Variants in ANK3 observed in about 807,000 individuals in gnomAD.
The protein encoded by ANK3 is ankyrin 3.
A neutral mutation model predicts 370.9 loss-of-function variants in ANK3; 57 were observed. The observed-to-expected ratio is 0.15, with a 90% confidence interval of 0.12 to 0.19. The LOEUF (loss-of-function observed/expected upper bound fraction) is 0.19. Ranked by LOEUF, ANK3 falls within the 10% of genes least tolerant of loss-of-function variation. ANK3 has a pLI of 1.00. For missense variants in ANK3, 4,439 were observed against 5,302.1 expected, an observed-to-expected ratio of 0.84 and a Z score of 5.06; for synonymous variants, 1,929 against 1,946.3, an observed-to-expected ratio of 0.99 and a Z score of 0.23.
rs759973241 is a variant in ANK3, at chr10:60,389,445, AC to A, written c.93del (p.Ser32ProfsTer15). The A allele has an allele frequency of 3.1e-6, 5 of 1,613,666 alleles. No homozygotes were observed. Among genetic ancestry groups the A allele is most frequent in the East Asian group, 2.2e-5 (1 of 44,884 alleles). Reference protein sequence around the residue: ...EPEKKRKHRKRSRDRKKKSDA... With the variant: ...EPEKKRKHRKXSRDRKKKSDA... The stretch of plus-strand genomic sequence containing the variant: ...GATACCTTTTTCTTCCGATCCCGGG[AC>A]CGTTTGCGGTGTTTCCTTTTTTTCT... On this transcript the variant is annotated frameshift_variant, in exon 1 of 44. Coordinates refer to ENST00000280772, the MANE Select transcript of ANK3 (RefSeq NM_020987.5). LOFTEE classifies it high-confidence loss of function.
intron 12 of ANK3, among the ~76,000 whole-genome samples, chr10:60,201,998 A>G (rs1287758847): frequency 6.6e-6 from 1 of 152,050 alleles, no homozygotes; most frequent in Non-Finnish European, 1.5e-5. Flanking sequence ...TACAGGCGTG[A>G]GCCACCATGC....
At chr10:60,664,348 T>C (rs1348012266) in intron 1 of ANK3, among the ~76,000 whole-genome samples, 1 of 152,186 alleles carries the variant, frequency 6.6e-6, no homozygotes, top group East Asian at 1.9e-4. Flanking sequence ...AGACAAAAAT[T>C]GAGAAGCAAT....
intron 2 of ANK3, among the ~76,000 whole-genome samples, chr10:60,501,038 G>A (rs1407233597): frequency 6.6e-6 from 1 of 152,044 alleles, no homozygotes; most frequent in Non-Finnish European, 1.5e-5. Flanking sequence ...TCATCAAATT[G>A]AAACATTAAA....
At chr10:60,442,731 C>G (rs72806194) in intron 2 of ANK3, among the ~76,000 whole-genome samples, 1 of 152,138 alleles carries the variant, frequency 6.6e-6, no homozygotes, top group South Asian at 2.1e-4. Flanking sequence ...ATCATTACTG[C>G]GTAACTTCTT....
chr10:60,172,626 T>C (rs1381238009), intron 20 of ANK3, among the ~76,000 whole-genome samples: 1 of 152,194 alleles, frequency 6.6e-6, no homozygotes, highest in Non-Finnish European at 1.5e-5. Context: ...ACGTTCTAAG[T>C]AAGCAATCAA....
At chr10:60,059,243 G>T in intron 41 of ANK3, 97 bp downstream of exon 41, 1 of 1,022,334 alleles carries the variant, frequency 9.8e-7, no homozygotes. Context: ...GAACTAGAAT[G>T]GTAATTTAGA....
intron 18 of ANK3, 97 bp downstream of exon 18, chr10:60,181,232 T>C: frequency 1.9e-6 from 2 of 1,066,974 alleles, no homozygotes; most frequent in Non-Finnish European, 2.9e-6. Flanking sequence ...AAGAGATGAT[T>C]AAAGGGTTTG....
Position 60,278,891 on chromosome 10 carries a change from G to T in ANK3, c.316-19C>A. The T allele has an allele frequency of 6.2e-7, 1 of 1,608,982 alleles. No homozygotes were observed. The highest frequency in any genetic ancestry group is 1.1e-5 in the South Asian group (1 of 90,982). On this transcript the variant is annotated intron_variant, in intron 3 of 43. Coordinates refer to ENST00000280772, the MANE Select transcript of ANK3 (RefSeq NM_020987.5). ...TTCCTTTCTGTGAAATGAAAGTCAA[G>T]ATATATCAACTCATCGATCTTTTGA...
At chr10:60,458,258 T>C (rs2064798614) in intron 2 of ANK3, among the ~76,000 whole-genome samples, 2 of 152,114 alleles carry the variant, frequency 1.3e-5, no homozygotes, top group Non-Finnish European at 1.5e-5. Context: ...AACTAGCTTC[T>C]CCCACAGTAA....
intron 7 of ANK3, among the ~76,000 whole-genome samples, chr10:60,235,382 G>T (rs2097312540): frequency 6.6e-6 from 1 of 152,134 alleles, no homozygotes; most frequent in South Asian, 2.1e-4. Flanking sequence ...AATATTTGAA[G>T]AATAACCAGA....
chr10:60,492,915 A>C (rs1177573851), intron 2 of ANK3, among the ~76,000 whole-genome samples: 1 of 140,170 alleles, frequency 7.1e-6, no homozygotes, highest in Non-Finnish European at 1.5e-5. Flanking sequence ...TCTCTACTAA[A>C]AATACAAAAA....
chr10:60,723,299 T>C (rs1271268058), intron 1 of ANK3, among the ~76,000 whole-genome samples: 3 of 152,218 alleles, frequency 2.0e-5, no homozygotes, highest in Non-Finnish European at 4.4e-5. Flanking sequence ...ACACCTTCCT[T>C]TTCTGAGTAT....
At chr10:60,590,246 G>A (rs941358793) in intron 2 of ANK3, among the ~76,000 whole-genome samples, 2 of 152,008 alleles carry the variant, frequency 1.3e-5, no homozygotes, top group Non-Finnish European at 2.9e-5. Context: ...GTGTGAATAG[G>A]GATGTACTGT....
At chr10:60,494,149 G>A (rs1022552050) in intron 2 of ANK3, among the ~76,000 whole-genome samples, 1 of 152,058 alleles carries the variant, frequency 6.6e-6, no homozygotes, top group Non-Finnish European at 1.5e-5. Context: ...GCAGATTTTG[G>A]ACTTTTGGTT....
Position 60,244,788 on chromosome 10 carries a change from T to C in ANK3, c.799-10002A>G, listed in dbSNP as rs370503301. ...AACATATATCTTTTGAAAACTCTTT[T>C]AGCCTCTGAGGGAAGAGGTTGCATC... On this transcript the variant is annotated intron_variant, in intron 7 of 43. Transcript: ENST00000280772. Among the ~76,000 whole-genome samples the C allele has an allele frequency of 5.3e-5, 8 of 152,230 alleles. No homozygotes were observed. In the East Asian group the frequency reaches 1.3e-3, roughly 26 times the overall value.
intron 2 of ANK3, among the ~76,000 whole-genome samples, chr10:60,422,916 T>C (rs2063807491): frequency 6.6e-6 from 1 of 152,018 alleles, no homozygotes; most frequent in South Asian, 2.1e-4. Flanking sequence ...TGTTACCAAA[T>C]CGGAATACAT....
At chr10:60,060,125 G>C in intron 40 of ANK3, 1 of 723,596 alleles carries the variant, frequency 1.4e-6, no homozygotes, top group Non-Finnish European at 2.1e-6. Flanking sequence ...ACAGATTAAT[G>C]TCAATAAATT....
intron 7 of ANK3, among the ~76,000 whole-genome samples, chr10:60,245,322 T>C (rs2097537197): frequency 6.7e-6 from 1 of 149,826 alleles, no homozygotes; most frequent in African/African-American, 2.5e-5. Flanking sequence ...TTTTCTCTAA[T>C]GGTTTATTTT....
chr10:60,563,763 T>C (rs1176424356), intron 2 of ANK3, among the ~76,000 whole-genome samples: 1 of 152,194 alleles, frequency 6.6e-6, no homozygotes, highest in Admixed American at 6.5e-5. Context: ...TCAGAGTCTA[T>C]GCCCCAAGGC....
Sources: allele counts gnomAD v4.1 joint callset (sites outside exome capture counted in the v4.1 genomes callset), GRCh38; gene constraint gnomAD v4.1.1; transcripts MANE v1.5; gene names NCBI Gene and HGNC (gene_info 2026-07-23, HGNC 2026-07-21).